HTR2A: variants seen among roughly 807,000 people sequenced by gnomAD.
HTR2A encodes the protein 5-hydroxytryptamine receptor 2A, also known as 5-HT2 receptor.
A neutral mutation model predicts 31.0 loss-of-function variants in HTR2A; 14 were observed. The ratio of observed to expected loss-of-function variants is 0.45; its 90% confidence interval spans 0.30 to 0.71. The LOEUF (loss-of-function observed/expected upper bound fraction) is 0.71, where lower values mean the gene tolerates loss of function less well. Among genes scored for constraint, HTR2A ranks in the 30% least tolerant of loss-of-function variants. The pLI is 0.09. For synonymous variants in HTR2A, 209 were observed against 225.2 expected, an observed-to-expected ratio of 0.93 and a Z score of 0.64; for missense variants, 442 against 573.3, an observed-to-expected ratio of 0.77 and a Z score of 2.34.
intron 3 of HTR2A, among the ~76,000 whole-genome samples, chr13:46,872,990 A>G (rs1950875925): frequency 6.6e-6 from 1 of 152,182 alleles, no homozygotes; most frequent in Admixed American, 6.5e-5. Context: ...TCCCGGTTCA[A>G]GTGATTCTTC....
rs927684489 is a variant in HTR2A at position 46,835,500 on chromosome 13, C to A, written c.753G>T (p.Val251=). 8.1e-6 allele frequency: 13 copies of A among 1,614,028 alleles called. No homozygotes were observed. Among genetic ancestry groups the A allele is most frequent in the Non-Finnish European group, 1.1e-5 (13 of 1,179,982 alleles). The change falls in exon 4 of 4, where the codon GTG becomes GTT. Residue 251 remains valine, a synonymous_variant. Transcript: ENST00000542664. Reference sequence around the variant, plus strand: ...ACTTGATAGTTAGAAAGTAGGTGATCACCATGATGGTTAAGGGAATGAAAA... The same window carrying A: ...ACTTGATAGTTAGAAAGTAGGTGATAACCATGATGGTTAAGGGAATGAAAA... ...VSFFIPLTIM[V]ITYFLTIKSL...
At chr13:46,877,428 C>T (rs990246913) in intron 3 of HTR2A, among the ~76,000 whole-genome samples, 1 of 152,198 alleles carries the variant, frequency 6.6e-6, no homozygotes, top group South Asian at 2.1e-4. Flanking sequence ...AGTAGACAAA[C>T]AAAAGTAGTT....
At chr13:46,852,939 G>C (rs1346145264) in intron 3 of HTR2A, among the ~76,000 whole-genome samples, 1 of 151,400 alleles carries the variant, frequency 6.6e-6, no homozygotes, top group Non-Finnish European at 1.5e-5. Context: ...TATCTACTTA[G>C]GTCTTGTCTG....
chr13:46,869,191 A>T (rs529384393), intron 3 of HTR2A, among the ~76,000 whole-genome samples: 1 of 152,214 alleles, frequency 6.6e-6, no homozygotes, highest in Non-Finnish European at 1.5e-5. Context: ...CCTATATTTG[A>T]TAAGGGTTTA....
intron 3 of HTR2A, among the ~76,000 whole-genome samples, chr13:46,838,977 T>TACACACACAC (rs67738033): frequency 3.3e-4 from 46 of 140,894 alleles, no homozygotes; most frequent in African/African-American, 1.1e-3. Context: ...GACACACACA[T>TACACACACAC]ACACACACAC....
intron 3 of HTR2A, among the ~76,000 whole-genome samples, chr13:46,892,096 G>A (rs1232811511): frequency 2.0e-5 from 3 of 152,206 alleles, no homozygotes; most frequent in South Asian, 2.1e-4. Flanking sequence ...AATTAGAGTC[G>A]TGGACTTGAA....
intron 3 of HTR2A, among the ~76,000 whole-genome samples, chr13:46,892,034 G>A (rs1244704653): frequency 6.6e-6 from 1 of 152,176 alleles, no homozygotes; most frequent in Non-Finnish European, 1.5e-5. Context: ...GCATCCTTAC[G>A]TTGATCATAA....
At chr13:46,880,995 C>T (rs1227656364) in intron 3 of HTR2A, among the ~76,000 whole-genome samples, 1 of 152,186 alleles carries the variant, frequency 6.6e-6, no homozygotes, top group Non-Finnish European at 1.5e-5. Context: ...CTGAAGTCTG[C>T]CATGCAGAGA....
chr13:46,855,174 A>G (rs1483468265), intron 3 of HTR2A, among the ~76,000 whole-genome samples: 1 of 152,200 alleles, frequency 6.6e-6, no homozygotes, highest in Non-Finnish European at 1.5e-5. Flanking sequence ...GAACTGTGAC[A>G]CAAGAAATCT....
At chr13:46,894,819 T>TGTTTC (rs1951088814) in intron 2 of HTR2A, among the ~76,000 whole-genome samples, 1 of 152,148 alleles carries the variant, frequency 6.6e-6, no homozygotes, top group Non-Finnish European at 1.5e-5. Context: ...TTTCCCACCC[T>TGTTTC]CCTCCAAACC....
At chr13:46,865,192 T>C (rs1950809747) in intron 3 of HTR2A, among the ~76,000 whole-genome samples, 1 of 152,182 alleles carries the variant, frequency 6.6e-6, no homozygotes. Context: ...TTATCACTGA[T>C]AATGGTCTGC....
At chr13:46,894,216 GGCTGCTCTCAGAGCGGCGGC>G (rs1233019981) in intron 2 of HTR2A, among the ~76,000 whole-genome samples, 1 of 152,146 alleles carries the variant, frequency 6.6e-6, no homozygotes, top group Admixed American at 6.5e-5. Context: ...GGAGGGAACG[GGCTGCTCTCAGAGCGGCGGC>G]CGCCAGGGGG....
chr13:46,880,568 G>T (rs1197586849), intron 3 of HTR2A, among the ~76,000 whole-genome samples: 8 of 152,158 alleles, frequency 5.3e-5, no homozygotes, highest in Admixed American at 3.3e-4. Context: ...ACCGGGCATG[G>T]TGGCTCACAC....
chr13:46,869,722 AT>A (rs1950849977), intron 3 of HTR2A, among the ~76,000 whole-genome samples: 1 of 152,138 alleles, frequency 6.6e-6, no homozygotes, highest in Non-Finnish European at 1.5e-5. Flanking sequence ...ATGAAATATT[AT>A]TCAGCCATAG....
At chr13:46,867,718 T>C (rs1950828963) in intron 3 of HTR2A, among the ~76,000 whole-genome samples, 1 of 152,222 alleles carries the variant, frequency 6.6e-6, no homozygotes, top group African/African-American at 2.4e-5. Flanking sequence ...AGTTGCCATA[T>C]GGCCCTCTTT....
intron 3 of HTR2A, among the ~76,000 whole-genome samples, chr13:46,885,958 A>G (rs1460200496): frequency 6.6e-6 from 1 of 152,080 alleles, no homozygotes; most frequent in South Asian, 2.1e-4. Flanking sequence ...ATATGTTGCT[A>G]TTTGTATTTT....
At chr13:46,897,396 A>G (rs1951113099), upstream of HTR2A, among the ~76,000 whole-genome samples, 1 of 152,170 alleles carries the variant, frequency 6.6e-6, no homozygotes, top group Non-Finnish European at 1.5e-5. Flanking sequence ...AATTACTGAC[A>G]TTGGCCACAT....
intron 3 of HTR2A, among the ~76,000 whole-genome samples, chr13:46,866,322 C>T (rs925547291): frequency 2.0e-5 from 3 of 152,032 alleles, no homozygotes; most frequent in South Asian, 2.1e-4. Flanking sequence ...AGCCTGGCCT[C>T]GTGGTTCCTC....
intron 3 of HTR2A, among the ~76,000 whole-genome samples, chr13:46,837,323 T>A (rs1950569413): frequency 6.6e-6 from 1 of 152,162 alleles, no homozygotes; most frequent in Non-Finnish European, 1.5e-5. Context: ...AATCATGAGA[T>A]GGCTTATTCT....
Sources: allele counts gnomAD v4.1 joint callset (sites outside exome capture counted in the v4.1 genomes callset), GRCh38; gene constraint gnomAD v4.1.1; transcripts MANE v1.5; gene names NCBI Gene and HGNC (gene_info 2026-07-23, HGNC 2026-07-21).